The following ZNF407 variants were observed in gnomAD, a reference collection of about 807,000 sequenced individuals.
The protein encoded by ZNF407 is zinc finger protein 407.
Under a neutral mutation model 131.2 loss-of-function variants are expected in ZNF407, and 17 were observed. That is an observed-to-expected ratio of 0.13 (90% CI 0.09 to 0.19). The LOEUF is 0.19. Among genes scored for constraint, ZNF407 ranks in the 10% least tolerant of loss-of-function variants. The pLI is 1.00. For synonymous variants in ZNF407, 1,156 were observed against 1,062.0 expected, an observed-to-expected ratio of 1.09 and a Z score of -1.72; for missense variants, 2,681 against 2,830.6, an observed-to-expected ratio of 0.95 and a Z score of 1.20.
chr18:74,876,716 A>T (rs572881552), intron 4 of ZNF407, among the ~76,000 whole-genome samples: 1 of 152,260 alleles, frequency 6.6e-6, no homozygotes, highest in East Asian at 1.9e-4. Context: ...TTCAGGAAAC[A>T]CCTTTGGGGT....
chr18:74,999,364 A>AC (rs1568296541), intron 8 of ZNF407, among the ~76,000 whole-genome samples: 2 of 150,052 alleles, frequency 1.3e-5, no homozygotes, highest in South Asian at 2.1e-4. Context: ...AAAAAAAAAA[A>AC]AAAAAAAAAA....
At position 74,633,318 on chromosome 18, in the gene ZNF407, A is replaced by T. The variant is rs1984233492; in HGVS notation, c.2299A>T (p.Ile767Phe). ...TCTTGAAAATGCTAAGAAAAATAAT[A>T]TTGGCTTAAGCTTTGAAGAATGTAT... ...KHLENAKKNN[I>F]GLSFEECIER... The change falls in exon 2 of 9, where the codon ATT (isoleucine) becomes TTT (phenylalanine). Residue 767 changes from isoleucine to phenylalanine, a missense_variant. Around this residue, in one of 6 missense-constraint regions of ZNF407, gnomAD observed 1,789 missense variants for 1,748.7 expected, o/e 1.02. Coordinates refer to ENST00000299687, the MANE Select transcript of ZNF407 (RefSeq NM_017757.3). 6.2e-7 allele frequency: 1 copy of T among 1,612,788 alleles called. No homozygotes were observed. The highest frequency in any genetic ancestry group is 1.3e-5 in the African/African-American group (1 of 74,854).
intron 3 of ZNF407, among the ~76,000 whole-genome samples, chr18:74,761,369 T>A (rs756486043): frequency 5.3e-5 from 8 of 152,290 alleles, no homozygotes; most frequent in South Asian, 4.1e-4. Context: ...GCATTTTTTT[T>A]ATTTAGGTAT....
At chr18:74,756,138 C>T (rs934398323) in intron 3 of ZNF407, among the ~76,000 whole-genome samples, 1 of 151,654 alleles carries the variant, frequency 6.6e-6, no homozygotes, top group Non-Finnish European at 1.5e-5. Context: ...ATGATGTGCT[C>T]ACGTCAGCCT....
At chr18:75,036,967 T>C (rs910462199) in intron 8 of ZNF407, among the ~76,000 whole-genome samples, 1 of 152,238 alleles carries the variant, frequency 6.6e-6, no homozygotes, top group Admixed American at 6.5e-5. Flanking sequence ...ACTACGCGGA[T>C]TGTCTTTGGC....
chr18:74,641,083 G>A lies in ZNF407; in HGVS notation c.4763G>A (p.Arg1588Lys), dbSNP rs1244638759. The change falls in exon 3 of 9, where the codon AGG becomes AAG. Residue 1588 changes from arginine to lysine, a missense_variant. Physicochemically the swap from Arg to Lys is conservative, Grantham distance 26. Coordinates refer to ENST00000299687, the MANE Select transcript of ZNF407 (RefSeq NM_017757.3). ...GGAGATGCCAGAAACCATGTGAAAA[G>A]GCACCTTGGGATGAGGGAATACAAG... ...QLGDARNHVK[R>K]HLGMREYKCH... 6.2e-7 allele frequency: 1 copy of A among 1,613,242 alleles called. No individual in the cohort carries two copies. Among genetic ancestry groups the A allele is most frequent in the African/African-American group, 1.3e-5 (1 of 74,854 alleles).
At chr18:74,686,678 A>C (rs1454068289) in intron 3 of ZNF407, among the ~76,000 whole-genome samples, 1 of 152,216 alleles carries the variant, frequency 6.6e-6, no homozygotes, top group African/African-American at 2.4e-5. Flanking sequence ...CCTTTTACTG[A>C]AAAGATTGTA....
chr18:74,751,913 T>G (rs1160756525), intron 3 of ZNF407, among the ~76,000 whole-genome samples: 3 of 152,158 alleles, frequency 2.0e-5, no homozygotes, highest in Non-Finnish European at 2.9e-5. Context: ...GGTCAAATGG[T>G]ATTTCTAGTT....
At chr18:74,708,851 A>G (rs1453637657) in intron 3 of ZNF407, among the ~76,000 whole-genome samples, 1 of 152,232 alleles carries the variant, frequency 6.6e-6, no homozygotes, top group African/African-American at 2.4e-5. Context: ...GGGTGCCCAG[A>G]TGTACACACT....
At chr18:74,691,710 C>CT (rs1967227903) in intron 3 of ZNF407, among the ~76,000 whole-genome samples, 1 of 152,010 alleles carries the variant, frequency 6.6e-6, no homozygotes, top group Non-Finnish European at 1.5e-5. Flanking sequence ...GTAAGCTCTG[C>CT]TTTTGTAGTA....
intron 3 of ZNF407, among the ~76,000 whole-genome samples, chr18:74,690,354 A>T (rs1331904749): frequency 6.6e-6 from 1 of 152,148 alleles, no homozygotes; most frequent in Non-Finnish European, 1.5e-5. Flanking sequence ...AAATAATACT[A>T]ACACAATTAA....
At chr18:74,711,358 G>A (rs1967757269) in intron 3 of ZNF407, among the ~76,000 whole-genome samples, 1 of 152,164 alleles carries the variant, frequency 6.6e-6, no homozygotes, top group South Asian at 2.1e-4. Flanking sequence ...TTAAAACAGA[G>A]AGACTATCTG....
At chr18:74,953,428 A>G (rs4891206) in intron 8 of ZNF407, among the ~76,000 whole-genome samples, 34,622 of 152,056 alleles carry the variant, frequency 0.23, 5,234 homozygotes, top group African/African-American at 0.42. Flanking sequence ...TCTGCCGTGT[A>G]TGTCTGCTTA....
intron 7 of ZNF407, among the ~76,000 whole-genome samples, chr18:74,892,347 TTC>T (rs1176433089): frequency 2.0e-5 from 3 of 152,142 alleles, no homozygotes; most frequent in Admixed American, 6.5e-5. Flanking sequence ...AAATGCCACT[TTC>T]TGTTTTGTAA....
In ZNF407 at chr18:74,633,647, G is replaced by A; in HGVS notation, c.2628G>A (p.Gln876=). 6.2e-7 allele frequency: 1 copy of A among 1,614,024 alleles called. No individual in the cohort carries two copies. The highest frequency in any genetic ancestry group is 8.5e-7 in the Non-Finnish European group (1 of 1,179,892). ...TVHIRRKHSH[Q]YSYLCKVCKY... is the part of the protein sequence containing the mutation. ...ACATTAGACGAAAACACAGTCACCA[G>A]TATAGTTATTTATGCAAAGTGTGTA... Residue 876 remains glutamine, a synonymous_variant, in exon 2 of 9, where the codon CAG becomes CAA. Coordinates refer to ENST00000299687, the MANE Select transcript of ZNF407 (RefSeq NM_017757.3).
chr18:74,917,674 C>G (rs1196131788), intron 7 of ZNF407, among the ~76,000 whole-genome samples: 1 of 152,136 alleles, frequency 6.6e-6, no homozygotes. Flanking sequence ...AATCTGTTTT[C>G]CAAGTTATCT....
rs1179322374 is a variant in ZNF407, at chr18:74,835,627, GGGGTGTGTGTGTGTGTGTGTGT to G, written c.4878-41568_4878-41547del. On this transcript the variant is annotated intron_variant, in intron 4 of 8. Transcript: ENST00000299687. ...TGTGAGTTTGTGTCTTGGACAGAGG[GGGGTGTGTGTGTGTGTGTGTGT>G]GTGTGTGTGTGTGTGTGTAAATGGA... is the stretch of plus-strand genomic sequence containing the variant. Among the ~76,000 whole-genome samples the G allele has an allele frequency of 1.1e-4, 13 of 117,510 alleles. No homozygotes were observed. In the South Asian group the frequency reaches 2.8e-3, roughly 25 times the overall value. 77.1% of individuals were successfully genotyped at this position (117,510 alleles called of 152,430 possible). A position where few individuals can be genotyped will look rare whatever the true frequency, so the allele number is the denominator to read the frequency against.
chr18:74,870,459 G>A (rs571550644), intron 4 of ZNF407, among the ~76,000 whole-genome samples: 1 of 152,282 alleles, frequency 6.6e-6, no homozygotes, highest in East Asian at 1.9e-4. Context: ...CCACACTAGA[G>A]CCTTAGAGTT....
intron 8 of ZNF407, among the ~76,000 whole-genome samples, chr18:74,988,613 A>G (rs1372502225): frequency 2.6e-5 from 4 of 151,820 alleles, no homozygotes; most frequent in Admixed American, 6.6e-5. Context: ...GCATTGTTCA[A>G]TTCTGTAACC....
Sources: allele counts gnomAD v4.1 joint callset (sites outside exome capture counted in the v4.1 genomes callset), GRCh38; gene constraint gnomAD v4.1.1; regional missense constraint gnomAD v4.1.1; transcripts MANE v1.5; gene names NCBI Gene and HGNC (gene_info 2026-07-23, HGNC 2026-07-21).